The following CEBPZOS variants were observed in gnomAD, a reference collection of about 807,000 sequenced individuals.
CEBPZOS encodes the protein protein CEBPZOS.
CEBPZOS carries 10 observed loss-of-function variants against 4.8 expected under a neutral mutation model. The ratio of observed to expected loss-of-function variants is 2.07; its 90% confidence interval spans 1.28 to 3.52. The LOEUF (loss-of-function observed/expected upper bound fraction) is 3.52, where lower values mean the gene tolerates loss of function less well. CEBPZOS is among the 30% of genes most tolerant of loss of function. The pLI is 0.00. For missense variants in CEBPZOS, 98 were observed against 43.6 expected (o/e 2.25, Z -3.51); for synonymous variants, 25 against 14.2 (o/e 1.77, Z -1.72).
rs1039746987 is a variant in CEBPZOS, at chr2:37,199,728, A to G, written c.24A>G (p.Leu8=). The G allele has an allele frequency of 2.8e-6, 2 of 717,522 alleles. No individual in the cohort carries two copies. Among genetic ancestry groups the G allele is most frequent in the South Asian group, 3.0e-5 (2 of 67,598 alleles). 44.4% of individuals were successfully genotyped at this position (717,522 alleles called of 1,614,324 possible). A position where few individuals can be genotyped will look rare whatever the true frequency, so the allele number is the denominator to read the frequency against. ...GGATGGCCCGTACTTTGGAACCACT[A>G]GCAAAGAAGATCTTTAAAGGAGTTT... MARTLEP[L]AKKIFKGVLV... The change falls in exon 2 of 5, where the codon CTA becomes CTG. Residue 8 remains leucine (L), a synonymous_variant. Transcript: ENST00000402297.
chr2:37,207,792 A>G (rs560943909), downstream of CEBPZOS, among the ~76,000 whole-genome samples: 69 of 152,340 alleles, frequency 4.5e-4, no homozygotes, highest in South Asian at 0.014. Context: ...AAGAAAAGAA[A>G]TAACAAATAT....
downstream of CEBPZOS, chr2:37,216,179 T>C (rs776687864): frequency 6.2e-7 from 1 of 1,613,432 alleles, no homozygotes; most frequent in South Asian, 1.1e-5. Flanking sequence ...TGTTTTCTTT[T>C]CGGCTGCATC....
At chr2:37,212,182 T>G in intron 4 of CEBPZOS, 1 of 983,650 alleles carries the variant, frequency 1.0e-6, no homozygotes, top group Non-Finnish European at 1.5e-6. Flanking sequence ...TAACGTGCTT[T>G]ATAAATGTCA....
downstream of CEBPZOS, chr2:37,215,523 G>C (rs1374337372): frequency 1.3e-5 from 2 of 152,378 alleles, no homozygotes; most frequent in Admixed American, 6.5e-5. Flanking sequence ...CTGTGGGTAA[G>C]TCCTTTTACA....
At chr2:37,216,157 T>A (rs1302776800), downstream of CEBPZOS, 2 of 1,612,020 alleles carry the variant, frequency 1.2e-6, no homozygotes, top group Non-Finnish European at 1.7e-6. Context: ...ATGACGAATA[T>A]CCTTAATAAA....
At chr2:37,208,726 C>T (rs1368034910), downstream of CEBPZOS, 1 of 152,104 alleles carries the variant, frequency 6.6e-6, no homozygotes, top group Non-Finnish European at 1.5e-5. Flanking sequence ...CCCCTGAGAA[C>T]TGGAACAAGA....
chr2:37,202,652 A>C lies in CEBPZOS; in HGVS notation c.*792A>C. ...GGAGTGAGACGCTGTCTCAAAAAAA[A>C]AAAAAAAAAAAAAAAAAAAAAAAAA... On this transcript the variant is annotated 3_prime_UTR_variant, in exon 5 of 5. Transcript: ENST00000402297. The C allele has an allele frequency of 5.0e-5, 1 of 19,816 alleles. No homozygotes were observed. The highest frequency in any genetic ancestry group is 9.1e-5 in the Non-Finnish European group (1 of 10,954). 1.2% of individuals were successfully genotyped at this position (19,816 alleles called of 1,614,324 possible).
downstream of CEBPZOS, chr2:37,214,895 A>G (rs760699087): frequency 6.2e-7 from 1 of 1,607,594 alleles, no homozygotes; most frequent in South Asian, 1.1e-5. Context: ...CCTGTGGAAA[A>G]ACACTTCATC....
intron 4 of CEBPZOS, chr2:37,211,846 G>A (rs1383362878): frequency 6.3e-7 from 1 of 1,591,440 alleles, no homozygotes. Context: ...TGCTTACCTG[G>A]AACGCTCTCA....
At position 37,203,822 on chromosome 2, in the gene CEBPZOS, C is replaced by G. The variant is rs1558465347; in HGVS notation, c.*1962C>G. 1 of 152,184 alleles carries G rather than the reference C, an allele frequency of 6.6e-6. No individual in the cohort carries two copies. Among genetic ancestry groups the G allele is most frequent in the African/African-American group, 2.4e-5 (1 of 41,450 alleles). 9.4% of individuals were successfully genotyped at this position (152,184 alleles called of 1,614,324 possible). On this transcript the variant is annotated 3_prime_UTR_variant, in exon 5 of 5. Coordinates refer to ENST00000402297, the MANE Select transcript of CEBPZOS (RefSeq NM_001322374.2). ...ATGACATGTGGTTTCCTATATCTGA[C>G]TTTTTTCATTTAGCATAACGTTTTT...
chr2:37,210,710 TAC>T, intron 4 of CEBPZOS: 1 of 282,842 alleles, frequency 3.5e-6, no homozygotes. Flanking sequence ...CAGAAATCAC[TAC>T]TAAAGAACTT....
At position 37,198,016 on chromosome 2, in the gene CEBPZOS, T is replaced by A. The variant is rs1677033641; in HGVS notation, c.-2+1496T>A. Among the ~76,000 whole-genome samples the A allele has an allele frequency of 2.0e-5, 3 of 151,636 alleles. No homozygotes were observed. In the South Asian group the frequency reaches 6.3e-4, roughly 32 times the overall value. On this transcript the variant is annotated intron_variant, in intron 1 of 4. Coordinates refer to ENST00000402297, the MANE Select transcript of CEBPZOS (RefSeq NM_001322374.2). ...CTCTACTAAAATACAAAAAATTTGC[T>A]GGGCCTGGTGGCGGGAGTCCCAGCT...
chr2:37,215,379 AAC>A (rs141983297), downstream of CEBPZOS: 3,331 of 153,552 alleles, frequency 0.022, 70 homozygotes, highest in African/African-American at 0.061. Context: ...ACAGGAAGTT[AAC>A]AGAGTTTTCC....
At chr2:37,216,022 GATA>G, downstream of CEBPZOS, 2 of 688,314 alleles carry the variant, frequency 2.9e-6, no homozygotes, top group Non-Finnish European at 4.6e-6. Flanking sequence ...AAAAAAGATG[GATA>G]ATGTCTTTGA....
rs1410448810 is a variant in CEBPZOS at position 37,201,692 on chromosome 2, G to A, written c.211G>A (p.Asp71Asn). ...TGGAATGTATGGAATCAGAGAGCTA[G>A]ATCAAAAAACATGGTTGAACAGCAA... is the stretch of plus-strand genomic sequence containing the variant. ...KSGMYGIREL[D>N]QKTWLNSKN Residue 71 changes from aspartate (D) to asparagine (N), a missense_variant, in exon 4 of 5, where the codon GAT becomes AAT. Physicochemically the swap from Asp to Asn is conservative, Grantham distance 23. Coordinates refer to ENST00000402297, the MANE Select transcript of CEBPZOS (RefSeq NM_001322374.2). The A allele has an allele frequency of 4.3e-6, 4 of 928,286 alleles. No individual in the cohort carries two copies. Among genetic ancestry groups the A allele is most frequent in the Non-Finnish European group, 5.2e-6 (3 of 577,470 alleles). 57.5% of individuals were successfully genotyped at this position (928,286 alleles called of 1,614,324 possible). A position where few individuals can be genotyped will look rare whatever the true frequency, so the allele number is the denominator to read the frequency against.
At chr2:37,210,276 G>GTAC (rs1677679444) in intron 4 of CEBPZOS, 1 of 151,908 alleles carries the variant, frequency 6.6e-6, no homozygotes, top group African/African-American at 2.4e-5. Context: ...CCACCACTGG[G>GTAC]TACTACCCAG....
At chr2:37,201,200 T>C in intron 3 of CEBPZOS, 108 bp downstream of exon 3, 2 of 636,722 alleles carry the variant, frequency 3.1e-6, no homozygotes, top group Non-Finnish European at 5.7e-6. Flanking sequence ...TATTCACATG[T>C]ATTTTAGTTC....
At chr2:37,205,223 T>C (rs1215674185), downstream of CEBPZOS, among the ~76,000 whole-genome samples, 2 of 151,986 alleles carry the variant, frequency 1.3e-5, no homozygotes, top group African/African-American at 2.4e-5. Flanking sequence ...ATGAAACTTT[T>C]TGTCAGGCCT....
intron 1 of CEBPZOS, among the ~76,000 whole-genome samples, chr2:37,199,209 A>C (rs1018307591): frequency 5.3e-5 from 8 of 152,072 alleles, no homozygotes; most frequent in Non-Finnish European, 8.8e-5. Flanking sequence ...TATACTATCT[A>C]TAATATATAG....
Sources: allele counts gnomAD v4.1 joint callset (sites outside exome capture counted in the v4.1 genomes callset), GRCh38; gene constraint gnomAD v4.1.1; transcripts MANE v1.5; gene names NCBI Gene and HGNC (gene_info 2026-07-23, HGNC 2026-07-21).